TAFA4: variants seen among roughly 807,000 people sequenced by gnomAD.
The protein encoded by TAFA4 is chemokine-like protein TAFA-4.
In TAFA4, 20 loss-of-function variants were observed where a neutral mutation model predicts 21.1. That is an observed-to-expected ratio of 0.95 (90% CI 0.67 to 1.38). The LOEUF is 1.38. Among genes scored for constraint, TAFA4 ranks in the 40% most tolerant of loss-of-function variants. The pLI, the probability that TAFA4 is intolerant of heterozygous loss-of-function variation, is 0.00. For missense variants in TAFA4, 211 were observed against 180.9 expected (o/e 1.17, Z -0.95); for synonymous variants, 71 against 67.4 (o/e 1.05, Z -0.26).
intron 1 of TAFA4, among the ~76,000 whole-genome samples, chr3:68,914,657 T>G (rs952215167): frequency 1.3e-4 from 20 of 152,174 alleles, no homozygotes; most frequent in Non-Finnish European, 1.6e-4. Context: ...ATTAGCATAT[T>G]TAATAAATAA....
intron 3 of TAFA4, among the ~76,000 whole-genome samples, chr3:68,792,491 G>A (rs1471038594): frequency 6.6e-6 from 1 of 152,100 alleles, no homozygotes; most frequent in African/African-American, 2.4e-5. Context: ...CGCACAGTTT[G>A]CAAACCTCCA....
intron 3 of TAFA4, among the ~76,000 whole-genome samples, chr3:68,782,726 G>A (rs924785626): frequency 5.9e-5 from 9 of 152,098 alleles, no homozygotes; most frequent in East Asian, 1.9e-4. Context: ...ACTAGTGATC[G>A]CCAGGGCTAA....
At chr3:68,746,926 TTGTAAGA>T (rs2106742846) in intron 4 of TAFA4, among the ~76,000 whole-genome samples, 1 of 152,302 alleles carries the variant, frequency 6.6e-6, no homozygotes, top group South Asian at 2.1e-4. Flanking sequence ...ATCCTGTACA[TTGTAAGA>T]TGTAAGGCAG....
intron 3 of TAFA4, among the ~76,000 whole-genome samples, chr3:68,872,932 T>C (rs996719213): frequency 4.6e-5 from 7 of 152,110 alleles, no homozygotes; most frequent in African/African-American, 9.7e-5. Flanking sequence ...TCCAAAGCAC[T>C]TGACGATTTT....
chr3:68,750,656 A>ACATTT (rs1702542952), intron 4 of TAFA4, among the ~76,000 whole-genome samples: 1 of 152,244 alleles, frequency 6.6e-6, no homozygotes, highest in African/African-American at 2.4e-5. Flanking sequence ...TAAGGTATTC[A>ACATTT]CATTTTCTTT....
At chr3:68,817,238 C>T (rs1339589340) in intron 3 of TAFA4, among the ~76,000 whole-genome samples, 2 of 152,210 alleles carry the variant, frequency 1.3e-5, no homozygotes, top group Non-Finnish European at 2.9e-5. Context: ...CAGGAAACTA[C>T]TTTCTTTGTT....
chr3:68,922,417 A>G (rs1482001170), intron 1 of TAFA4, among the ~76,000 whole-genome samples: 2 of 152,250 alleles, frequency 1.3e-5, no homozygotes, highest in African/African-American at 4.8e-5. Context: ...AAGATCGATC[A>G]TGTAAAATCA....
At chr3:68,911,490 C>T (rs1390950152) in intron 1 of TAFA4, among the ~76,000 whole-genome samples, 1 of 152,222 alleles carries the variant, frequency 6.6e-6, no homozygotes, top group Non-Finnish European at 1.5e-5. Context: ...ATGATCAACT[C>T]AGATAGAGAA....
intron 3 of TAFA4, among the ~76,000 whole-genome samples, chr3:68,819,055 T>A (rs1488418197): frequency 1.3e-5 from 2 of 152,024 alleles, no homozygotes; most frequent in Non-Finnish European, 2.9e-5. Flanking sequence ...GGTGGATCAC[T>A]CAAAGTCAGG....
At chr3:68,823,428 C>G (rs922876338) in intron 3 of TAFA4, among the ~76,000 whole-genome samples, 1 of 151,994 alleles carries the variant, frequency 6.6e-6, no homozygotes, top group Non-Finnish European at 1.5e-5. Flanking sequence ...AGTTTTGAGG[C>G]CTGCTACAAG....
chr3:68,856,040 G>A (rs367637060), intron 3 of TAFA4, among the ~76,000 whole-genome samples: 11 of 152,132 alleles, frequency 7.2e-5, no homozygotes, highest in African/African-American at 2.7e-4. Flanking sequence ...AAGATTGAGT[G>A]TGGATCCTTA....
chr3:68,903,495 T>G (rs1183749758), intron 1 of TAFA4, among the ~76,000 whole-genome samples: 2 of 152,230 alleles, frequency 1.3e-5, no homozygotes, highest in African/African-American at 4.8e-5. Flanking sequence ...AACCTCATAA[T>G]TATATGTAGT....
intron 3 of TAFA4, among the ~76,000 whole-genome samples, chr3:68,879,588 G>A (rs1161044943): frequency 6.6e-6 from 1 of 152,180 alleles, no homozygotes; most frequent in Non-Finnish European, 1.5e-5. Context: ...GCACTTCACA[G>A]CAGCCAAATG....
At chr3:68,789,129 G>T (rs1167729486) in intron 3 of TAFA4, among the ~76,000 whole-genome samples, 2 of 151,960 alleles carry the variant, frequency 1.3e-5, no homozygotes, top group African/African-American at 4.8e-5. Context: ...TACTAGGGGG[G>T]CTGAGGCAGG....
chr3:68,842,015 A>C (rs28832116), intron 3 of TAFA4, among the ~76,000 whole-genome samples: 44,295 of 152,056 alleles, frequency 0.29, 7,326 homozygotes, highest in Non-Finnish European at 0.38. Context: ...ATACGTGTGC[A>C]TGTGTCCTTA....
At chr3:68,891,646 A>T (rs1241044314) in intron 1 of TAFA4, among the ~76,000 whole-genome samples, 4 of 152,312 alleles carry the variant, frequency 2.6e-5, no homozygotes, top group African/African-American at 9.6e-5. Flanking sequence ...ACCCAGACAG[A>T]AGATGATGGA....
chr3:68,793,473 G>A (rs564351565), intron 3 of TAFA4, among the ~76,000 whole-genome samples: 16 of 152,264 alleles, frequency 1.1e-4, no homozygotes, highest in South Asian at 1.0e-3. Context: ...GCCCAATTTG[G>A]AAATCCAATT....
At chr3:68,892,457 G>A (rs370334868) in intron 1 of TAFA4, among the ~76,000 whole-genome samples, 1 of 152,258 alleles carries the variant, frequency 6.6e-6, no homozygotes, top group East Asian at 1.9e-4. Flanking sequence ...GGTGGATGAT[G>A]ACAAATCAGT....
chr3:68,899,336 CAT>C (rs1234834783), intron 1 of TAFA4, among the ~76,000 whole-genome samples: 1 of 151,672 alleles, frequency 6.6e-6, no homozygotes, highest in African/African-American at 2.4e-5. Context: ...GAAAATTAAA[CAT>C]AAAATTCAGG....
Sources: gnomAD v4.1 joint callset for allele counts (sites outside exome capture counted in the v4.1 genomes callset) on GRCh38, gnomAD v4.1.1 for gene constraint, MANE v1.5 for transcripts, NCBI Gene and HGNC (gene_info 2026-07-23, HGNC 2026-07-21) for gene names.